Variants in RASAL2 observed in about 807,000 individuals in gnomAD.
RASAL2 encodes the protein RAS protein activator like 2, also known as ras GTPase-activating protein nGAP.
In RASAL2, 58 loss-of-function variants were observed where a neutral mutation model predicts 128.9. The ratio of observed to expected loss-of-function variants is 0.45; its 90% CI spans 0.36 to 0.56. The LOEUF is 0.56. Among genes scored for constraint, RASAL2 ranks in the 20% least tolerant of loss-of-function variants. The probability of loss-of-function intolerance (pLI) is 0.00; values close to 1 mark genes in which losing one functional copy is unlikely to be tolerated. For missense variants in RASAL2, 1,360 were observed against 1,601.6 expected (o/e 0.85, Z 2.57); for synonymous variants, 561 against 580.8 (o/e 0.97, Z 0.49).
chr1:178,157,118 C>G (rs1349113199), intron 1 of RASAL2, among the ~76,000 whole-genome samples: 1 of 152,128 alleles, frequency 6.6e-6, no homozygotes. Context: ...TATATATTGA[C>G]TTCCTGAACT....
intron 2 of RASAL2, among the ~76,000 whole-genome samples, chr1:178,291,023 A>G (rs185339884): frequency 1.3e-5 from 2 of 150,514 alleles, no homozygotes; most frequent in African/African-American, 2.4e-5. Context: ...TAACTGAGAT[A>G]TGGCCTAGGA....
chr1:178,227,661 G>C (rs939729721), intron 1 of RASAL2, among the ~76,000 whole-genome samples: 3 of 152,160 alleles, frequency 2.0e-5, no homozygotes, highest in Non-Finnish European at 4.4e-5. Context: ...TTTGAAATAT[G>C]ATTCTGTGAA....
chr1:178,159,358 C>CT (rs1661191282), intron 1 of RASAL2, among the ~76,000 whole-genome samples: 2 of 152,246 alleles, frequency 1.3e-5, no homozygotes, highest in South Asian at 4.1e-4. Context: ...TATATTTACT[C>CT]TAACTAGGCC....
intron 2 of RASAL2, among the ~76,000 whole-genome samples, chr1:178,297,437 A>G (rs931308905): frequency 2.6e-5 from 4 of 151,264 alleles, no homozygotes; most frequent in African/African-American, 7.3e-5. Flanking sequence ...CCCTGTCTCT[A>G]CTAAAAATAA....
chr1:178,458,630 A>G (rs1182415802), intron 14 of RASAL2, 86 bp downstream of exon 14: 7 of 1,467,786 alleles, frequency 4.8e-6, no homozygotes, highest in Middle Eastern at 2.4e-4. Flanking sequence ...GGGAAATCCT[A>G]TTGTTAACAA....
chr1:178,268,902 A>G (rs1013668059), intron 1 of RASAL2, among the ~76,000 whole-genome samples: 1 of 152,168 alleles, frequency 6.6e-6, no homozygotes, highest in African/African-American at 2.4e-5. Flanking sequence ...TGTCATGTTG[A>G]GATACTACTT....
At chr1:178,094,991 C>G (rs1276810988) in intron 1 of RASAL2, among the ~76,000 whole-genome samples, 1 of 152,152 alleles carries the variant, frequency 6.6e-6, no homozygotes, top group Non-Finnish European at 1.5e-5. Context: ...GCCAGGCAAT[C>G]AATCTTCAAG....
Position 178,468,759 on chromosome 1 carries a change from G to T in RASAL2, c.3678+1338G>T, listed in dbSNP as rs1218841832. 2.0e-5 allele frequency among the ~76,000 whole-genome samples: 3 copies of T among 152,184 alleles called. No individual in the cohort carries two copies. In the East Asian group the frequency reaches 5.8e-4, roughly 29 times the overall value. ...TCTAGATGCCCCCAGGGTAGGTGAG[G>T]TAAGGGTAGTGGAGACTAGGCCATC... is the stretch of plus-strand genomic sequence containing the variant. On this transcript the variant is annotated intron_variant, in intron 17 of 17. Transcript: ENST00000367649.
chr1:178,342,865 A>C (rs1375140562), intron 3 of RASAL2, among the ~76,000 whole-genome samples: 1 of 152,184 alleles, frequency 6.6e-6, no homozygotes, highest in Non-Finnish European at 1.5e-5. Context: ...ATCGTCTGTT[A>C]CTTCACCTCA....
chr1:178,352,463 A>G (rs1012632836), intron 3 of RASAL2, among the ~76,000 whole-genome samples: 6 of 152,232 alleles, frequency 3.9e-5, no homozygotes, highest in Non-Finnish European at 5.9e-5. Flanking sequence ...GCCTTGGGCA[A>G]TCCATTCCTG....
intron 3 of RASAL2, among the ~76,000 whole-genome samples, chr1:178,303,645 AT>A (rs770753659): frequency 2.0e-5 from 3 of 152,116 alleles, no homozygotes; most frequent in Admixed American, 6.6e-5. Flanking sequence ...ATTGGACTAT[AT>A]TAAGATTAAG....
At chr1:178,293,685 TCTAC>T (rs1477644372) in intron 2 of RASAL2, among the ~76,000 whole-genome samples, 1 of 152,276 alleles carries the variant, frequency 6.6e-6, no homozygotes, top group Non-Finnish European at 1.5e-5. Context: ...GGCCCCCATC[TCTAC>T]CTATCATTCA....
In RASAL2 at chr1:178,458,483, C is replaced by A; in HGVS notation, c.3191C>A (p.Ser1064Tyr). 6.2e-7 allele frequency: 1 copy of A among 1,614,118 alleles called. No individual in the cohort carries two copies. Among genetic ancestry groups the A allele is most frequent in the Non-Finnish European group, 8.5e-7 (1 of 1,179,998 alleles). Residue 1064 changes from serine (S) to tyrosine (Y), a missense_variant, in exon 14 of 18, where the codon TCT becomes TAT. Physicochemically the swap from Ser to Tyr is moderately radical, Grantham distance 144 (BLOSUM62 -2). This residue lies in a region of RASAL2 where 741 missense variants were observed against 868.6 expected (regional missense o/e 0.85). Transcript: ENST00000367649. Reference sequence around the variant, plus strand: ...GGGAGCCGGTCCCGGCAGCAGTCCTCTTCCTCCAGAGAGAGCCCTGTTCCC... The same window carrying A: ...GGGAGCCGGTCCCGGCAGCAGTCCTATTCCTCCAGAGAGAGCCCTGTTCCC... The part of the protein sequence containing the change: ...QNGSRSRQQS[S>Y]SSRESPVPKV...
intron 1 of RASAL2, among the ~76,000 whole-genome samples, chr1:178,155,304 C>A (rs562022932): frequency 2.0e-5 from 3 of 151,912 alleles, no homozygotes; most frequent in Non-Finnish European, 4.4e-5. Flanking sequence ...TGAGTATCAT[C>A]AAGTTTCATG....
rs74128859 is a variant in RASAL2 at position 178,137,803 on chromosome 1, A to T, written c.202+43109A>T. Among the ~76,000 whole-genome samples the T allele has an allele frequency of 5.5e-3, 839 of 152,338 alleles. 10 individuals are homozygous for T. The highest frequency in any genetic ancestry group is 0.019 in the African/African-American group (787 of 41,568). On this transcript the variant is annotated intron_variant, in intron 1 of 17. Coordinates refer to ENST00000367649, the MANE Select transcript of RASAL2 (RefSeq NM_170692.4). ...AAATGATTTGTTTGTGGCCAAAGAA[A>T]TCATGATTGTGACTCAGATGATTTA...
intron 1 of RASAL2, among the ~76,000 whole-genome samples, chr1:178,096,399 T>C (rs1297945073): frequency 6.6e-6 from 1 of 152,154 alleles, no homozygotes; most frequent in Non-Finnish European, 1.5e-5. Flanking sequence ...CATAAAAGTC[T>C]ACAAATGTAT....
In RASAL2 at chr1:178,250,415, G is replaced by A. The variant is rs998493509; in HGVS notation, c.203-33149G>A. ...TACTCAAGCCTCAGCAATGGCGGAC[G>A]CCCCAACCCCACCAAGCTTGATCAT... On this transcript the variant is annotated intron_variant, in intron 1 of 17. Transcript: ENST00000367649. 7.2e-5 allele frequency among the ~76,000 whole-genome samples: 11 copies of A among 152,296 alleles called. No individual in the cohort carries two copies. The East Asian group carries it at 1.5e-3, about 21-fold the overall frequency.
At chr1:178,286,876 T>C (rs1221726390) in intron 2 of RASAL2, among the ~76,000 whole-genome samples, 3 of 152,228 alleles carry the variant, frequency 2.0e-5, no homozygotes, top group Admixed American at 1.3e-4. Flanking sequence ...CTTTTTCCTC[T>C]CTAAGGATCC....
intron 3 of RASAL2, among the ~76,000 whole-genome samples, chr1:178,361,807 C>T (rs1272908055): frequency 6.6e-6 from 1 of 151,980 alleles, no homozygotes; most frequent in Non-Finnish European, 1.5e-5. Context: ...AATTATACAA[C>T]TCACCATAAT....
Sources: gnomAD v4.1 joint callset for allele counts (sites outside exome capture counted in the v4.1 genomes callset) on GRCh38, gnomAD v4.1.1 for gene constraint, gnomAD v4.1.1 regional missense constraint, MANE v1.5 for transcripts, NCBI Gene and HGNC (gene_info 2026-07-23, HGNC 2026-07-21) for gene names.